Variants in PTPRD observed in about 807,000 individuals in gnomAD.
PTPRD encodes the protein protein tyrosine phosphatase receptor type D.
PTPRD carries 34 observed loss-of-function variants against 214.5 expected under a neutral mutation model. The observed-to-expected ratio is 0.16, with a 90% CI of 0.12 to 0.21. The LOEUF is 0.21. Ranked by LOEUF, PTPRD falls within the 10% of genes least tolerant of loss-of-function variation. PTPRD has a pLI of 1.00. For synonymous variants in PTPRD, 1,128 were observed against 845.7 expected, an observed-to-expected ratio of 1.33 and a Z score of -5.79; for missense variants, 2,545 against 2,398.7, an observed-to-expected ratio of 1.06 and a Z score of -1.27.
intron 3 of PTPRD, among the ~76,000 whole-genome samples, chr9:10,140,556 T>C (rs1211667561): frequency 1.3e-5 from 2 of 151,332 alleles, no homozygotes; most frequent in South Asian, 2.1e-4. Context: ...CAGGAAGGAG[T>C]TGAATCTCTG....
intron 10 of PTPRD, among the ~76,000 whole-genome samples, chr9:9,168,681 T>G (rs1198898573): frequency 1.3e-5 from 2 of 152,108 alleles, no homozygotes; most frequent in Non-Finnish European, 1.5e-5. Context: ...TCTCTAACTT[T>G]GTAAGCTTTA....
intron 8 of PTPRD, among the ~76,000 whole-genome samples, chr9:9,485,527 A>G (rs750362024): frequency 3.9e-5 from 6 of 152,108 alleles, no homozygotes; most frequent in Non-Finnish European, 7.4e-5. Flanking sequence ...TATAATATTC[A>G]CTGCATTTTT....
At chr9:8,410,624 T>C (rs1335491121) in intron 35 of PTPRD, among the ~76,000 whole-genome samples, 4 of 152,142 alleles carry the variant, frequency 2.6e-5, no homozygotes, top group African/African-American at 4.8e-5. Context: ...CCTTTAGTAG[T>C]AGAAAAGGCA....
At chr9:10,227,542 C>G (rs1217103449) in intron 3 of PTPRD, among the ~76,000 whole-genome samples, 1 of 151,886 alleles carries the variant, frequency 6.6e-6, no homozygotes, top group Non-Finnish European at 1.5e-5. Flanking sequence ...AACTGCATTG[C>G]CCGTTTGTCT....
At chr9:9,244,388 G>A (rs199898644) in intron 9 of PTPRD, among the ~76,000 whole-genome samples, 6 of 151,996 alleles carry the variant, frequency 3.9e-5, no homozygotes, top group East Asian at 1.9e-4. Flanking sequence ...TTCAAACTAT[G>A]CTACAAGTCT....
At chr9:9,242,859 C>T (rs1002374615) in intron 9 of PTPRD, among the ~76,000 whole-genome samples, 6 of 152,160 alleles carry the variant, frequency 3.9e-5, no homozygotes, top group African/African-American at 1.2e-4. Flanking sequence ...CATTCTCTGT[C>T]CAGCTATGTT....
At chr9:10,181,342 C>T (rs1416231260) in intron 3 of PTPRD, among the ~76,000 whole-genome samples, 2 of 152,062 alleles carry the variant, frequency 1.3e-5, no homozygotes, top group Admixed American at 6.6e-5. Context: ...TATGGAATTT[C>T]AAAACTCTAT....
At chr9:9,353,631 A>G (rs1450884889) in intron 9 of PTPRD, among the ~76,000 whole-genome samples, 1 of 151,896 alleles carries the variant, frequency 6.6e-6, no homozygotes, top group Non-Finnish European at 1.5e-5. Context: ...CCTTTAAAAA[A>G]AAAAATCCTG....
At chr9:10,412,425 G>C (rs1587630592) in intron 2 of PTPRD, among the ~76,000 whole-genome samples, 2 of 151,554 alleles carry the variant, frequency 1.3e-5, no homozygotes, top group Admixed American at 6.6e-5. Context: ...GTAATAAGTA[G>C]CCTGCCAACC....
At chr9:10,091,453 T>C (rs1462100124) in intron 3 of PTPRD, among the ~76,000 whole-genome samples, 2 of 151,560 alleles carry the variant, frequency 1.3e-5, no homozygotes, top group Non-Finnish European at 3.0e-5. Context: ...AGTAGAGTTA[T>C]ATGTCAAAAA....
intron 14 of PTPRD, among the ~76,000 whole-genome samples, chr9:8,629,989 A>T (rs1485003649): frequency 2.0e-5 from 3 of 151,860 alleles, no homozygotes; most frequent in African/African-American, 7.2e-5. Flanking sequence ...ATGGGTGGTC[A>T]GAGTATTATT....
chr9:9,294,332 C>T (rs1412886), intron 9 of PTPRD, among the ~76,000 whole-genome samples: 20,265 of 151,682 alleles, frequency 0.13, 1,657 homozygotes, highest in Middle Eastern at 0.2. Flanking sequence ...CACATACCTA[C>T]TTCTGTATGT....
At position 8,341,874 on chromosome 9, in the gene PTPRD, C is replaced by A. The variant is rs1852771339; in HGVS notation, c.4766G>T (p.Arg1589Ile). Residue 1589 changes from arginine (R) to isoleucine (I), a missense_variant, in exon 40 of 46, where the codon AGA becomes ATA. Physicochemically the swap from Arg to Ile is moderately conservative, Grantham distance 97. Transcript: ENST00000381196. ...VDIYGHVTLM[R>I]AQRNYMVQTE... The stretch of plus-strand genomic sequence containing the variant: ...TTGAACCATATAGTTCCTCTGGGCT[C>A]TCATTAAAGTTACATGGCCATAAAT... 3 of 1,613,320 alleles carry A rather than the reference C, an allele frequency of 1.9e-6. No homozygotes were observed. Among genetic ancestry groups the A allele is most frequent in the Non-Finnish European group, 2.5e-6 (3 of 1,179,658 alleles).
Position 9,333,983 on chromosome 9 carries a change from G to C in PTPRD, c.-203+63466C>G, listed in dbSNP as rs1027125869. ...TTCCACCAGATTAGAATCTATGTGAGGGGGAGGAACTATGACTAAGCTAGT... is the reference window on the plus strand; with the variant it reads ...TTCCACCAGATTAGAATCTATGTGACGGGGAGGAACTATGACTAAGCTAGT... On this transcript the variant is annotated intron_variant, in intron 9 of 45. Transcript: ENST00000381196. 3.9e-5 allele frequency among the ~76,000 whole-genome samples: 6 copies of C among 152,068 alleles called. No homozygotes were observed. The East Asian group carries it at 9.7e-4, about 25-fold the overall frequency.
At chr9:10,323,672 A>C (rs1284073171) in intron 3 of PTPRD, among the ~76,000 whole-genome samples, 1 of 151,910 alleles carries the variant, frequency 6.6e-6, no homozygotes, top group African/African-American at 2.4e-5. Context: ...TATTGATAAT[A>C]AATGTCATCT....
At chr9:9,282,412 A>G (rs1387943175) in intron 9 of PTPRD, among the ~76,000 whole-genome samples, 1 of 151,426 alleles carries the variant, frequency 6.6e-6, no homozygotes, top group Non-Finnish European at 1.5e-5. Context: ...TTCTAATAGC[A>G]GATGACTGAA....
intron 11 of PTPRD, among the ~76,000 whole-genome samples, chr9:9,007,182 G>A (rs2099477007): frequency 6.6e-6 from 1 of 151,572 alleles, no homozygotes; most frequent in Admixed American, 6.6e-5. Context: ...GTTATGAGTA[G>A]AGGTATATGT....
intron 9 of PTPRD, among the ~76,000 whole-genome samples, chr9:9,299,550 C>T (rs538184350): frequency 1.1e-4 from 16 of 151,768 alleles, no homozygotes; most frequent in African/African-American, 3.4e-4. Context: ...TTAAATATTG[C>T]TATGGACTGC....
Position 8,485,245 on chromosome 9 carries a change from G to C in PTPRD, c.3135C>G (p.Asn1045Lys), listed in dbSNP as rs2135858076. The change falls in exon 29 of 46, where the codon AAC (asparagine) becomes AAG (lysine). Residue 1045 changes from asparagine to lysine, a missense_variant. By Grantham distance (94) the Asn-to-Lys change is moderately conservative (BLOSUM62 0). Coordinates refer to ENST00000381196, the MANE Select transcript of PTPRD (RefSeq NM_002839.4). ...LLSWEIPENY[N>K]SAMPFKILYD... Reference sequence around the variant, plus strand: ...AACTTACTTTGAAAGGCATGGCGGAGTTATAATTCTCTGGAATCTCCCAAG... The same window carrying C: ...AACTTACTTTGAAAGGCATGGCGGACTTATAATTCTCTGGAATCTCCCAAG... 1 of 1,613,870 alleles carries C rather than the reference G, an allele frequency of 6.2e-7. No homozygotes were observed. Among genetic ancestry groups the C allele is most frequent in the Non-Finnish European group, 8.5e-7 (1 of 1,179,768 alleles).
Sources: allele counts gnomAD v4.1 joint callset (sites outside exome capture counted in the v4.1 genomes callset), GRCh38; gene constraint gnomAD v4.1.1; transcripts MANE v1.5; gene names NCBI Gene and HGNC (gene_info 2026-07-23, HGNC 2026-07-21).